Variants in CREM observed in about 807,000 individuals in gnomAD.
CREM encodes the protein cAMP-responsive element modulator.
CREM carries 13 observed loss-of-function variants against 37.3 expected under a neutral mutation model. The observed-to-expected ratio is 0.35, with a 90% CI of 0.23 to 0.55. The LOEUF (loss-of-function observed/expected upper bound fraction) is 0.55. Among genes scored for constraint, CREM ranks in the 20% least tolerant of loss-of-function variants. CREM has a pLI of 0.88. For missense variants in CREM, 296 were observed against 362.3 expected (o/e 0.82, Z 1.49); for synonymous variants, 124 against 120.2 (o/e 1.03, Z -0.21).
chr10:35,162,662 A>G (rs2093354683), intron 3 of CREM, among the ~76,000 whole-genome samples: 1 of 152,010 alleles, frequency 6.6e-6, no homozygotes, highest in African/African-American at 2.4e-5. Flanking sequence ...CACCCTCTCT[A>G]GGAAGCCGCT....
chr10:35,193,639 G>T (rs2095015214), intron 6 of CREM, among the ~76,000 whole-genome samples: 3 of 152,054 alleles, frequency 2.0e-5, no homozygotes, highest in Admixed American at 2.0e-4. Flanking sequence ...CCATTGTCAG[G>T]TATCCTGGAG....
chr10:35,135,793 A>G (rs1416211178), intron 1 of CREM, among the ~76,000 whole-genome samples: 1 of 151,796 alleles, frequency 6.6e-6, no homozygotes, highest in Non-Finnish European at 1.5e-5. Context: ...AAAAGGCTAG[A>G]TAATTTGGAA....
intron 1 of CREM, among the ~76,000 whole-genome samples, chr10:35,132,709 C>A (rs897503715): frequency 6.6e-6 from 1 of 152,146 alleles, no homozygotes; most frequent in African/African-American, 2.4e-5. Context: ...GTACTGCTTT[C>A]TCCCATTGTT....
intron 3 of CREM, among the ~76,000 whole-genome samples, chr10:35,178,648 G>A (rs762926962): frequency 5.3e-5 from 8 of 152,166 alleles, no homozygotes; most frequent in Non-Finnish European, 7.3e-5. Context: ...TAGTATTTCT[G>A]TAGTATAGAG....
At chr10:35,131,472 G>A (rs1046661551) in intron 1 of CREM, among the ~76,000 whole-genome samples, 2 of 151,868 alleles carry the variant, frequency 1.3e-5, no homozygotes, top group Non-Finnish European at 2.9e-5. Context: ...TTTTGGCTTA[G>A]AAATGTTTTT....
intron 6 of CREM, among the ~76,000 whole-genome samples, chr10:35,202,181 C>T (rs2095403287): frequency 6.6e-6 from 1 of 152,124 alleles, no homozygotes; most frequent in Admixed American, 6.5e-5. Context: ...GTAATTTAGA[C>T]ACTTTCAGTA....
intron 5 of CREM, chr10:35,179,818 G>A (rs1337551719): frequency 2.0e-5 from 3 of 152,348 alleles, no homozygotes; most frequent in Admixed American, 2.0e-4. Context: ...CACACTGAAA[G>A]CTCTAAATAA....
Position 35,144,328 on chromosome 10 carries a change from A to G in CREM, c.45-4040A>G, listed in dbSNP as rs939966207. 2.0e-5 allele frequency among the ~76,000 whole-genome samples: 3 copies of G among 152,120 alleles called. No homozygotes were observed. In the East Asian group the frequency reaches 5.8e-4, roughly 29 times the overall value. On this transcript the variant is annotated intron_variant, in intron 2 of 7. Transcript: ENST00000685392. ...GCTTTTTGTGGTTGATCTCATTCTG[A>G]CTGATTATATATAGACACACGATTC...
At chr10:35,135,812 T>C (rs931216298) in intron 1 of CREM, among the ~76,000 whole-genome samples, 2 of 146,766 alleles carry the variant, frequency 1.4e-5, no homozygotes, top group Non-Finnish European at 3.0e-5. Context: ...AAGAAAAGCA[T>C]GAAAGTAATG....
intron 5 of CREM, among the ~76,000 whole-genome samples, chr10:35,181,851 G>A (rs1477382986): frequency 6.6e-6 from 1 of 152,094 alleles, no homozygotes; most frequent in African/African-American, 2.4e-5. Context: ...GTCCAACCTG[G>A]GCAGCAGAGT....
intron 5 of CREM, among the ~76,000 whole-genome samples, chr10:35,186,782 T>C (rs1382710330): frequency 2.3e-5 from 3 of 127,716 alleles, no homozygotes; most frequent in Admixed American, 9.0e-5. Context: ...TAACAAATTA[T>C]ATATAACATA....
intron 1 of CREM, 81 bp from the exon 2 acceptor site, chr10:35,137,701 T>G (rs1279200549): frequency 3.5e-6 from 2 of 569,424 alleles, no homozygotes; most frequent in Non-Finnish European, 5.8e-6. Context: ...TGAGAGGTTT[T>G]AATTTAAATA....
At position 35,186,889 on chromosome 10, in the gene CREM, ATAAT is replaced by A. The variant is rs1330014447; in HGVS notation, c.410-1308_410-1305del. ...ATTATATATTATATATAAAATATAA[ATAAT>A]TATAAAAATATAATAATTATTAAAA... is the stretch of plus-strand genomic sequence containing the variant. On this transcript the variant is annotated intron_variant, in intron 5 of 7. Transcript: ENST00000685392. Among the ~76,000 whole-genome samples, 6 of 91,830 alleles carry A rather than the reference ATAAT, an allele frequency of 6.5e-5. No individual in the cohort carries two copies. In the East Asian group the frequency reaches 1.2e-3, roughly 18 times the overall value. 60.2% of individuals were successfully genotyped at this position (91,830 alleles called of 152,430 possible). A position where few individuals can be genotyped will look rare whatever the true frequency, so the allele number is the denominator to read the frequency against.
intron 6 of CREM, among the ~76,000 whole-genome samples, chr10:35,201,095 T>A (rs1481367771): frequency 6.6e-6 from 1 of 152,170 alleles, no homozygotes; most frequent in Admixed American, 6.5e-5. Flanking sequence ...AAGGATATCT[T>A]ACATTATCTT....
chr10:35,180,954 G>C (rs1409297839), intron 5 of CREM, among the ~76,000 whole-genome samples: 2 of 152,236 alleles, frequency 1.3e-5, no homozygotes, highest in African/African-American at 4.8e-5. Context: ...AAGGTTGGAA[G>C]TGACTGCTGA....
At chr10:35,174,657 T>A (rs1422298352) in intron 3 of CREM, among the ~76,000 whole-genome samples, 1 of 152,236 alleles carries the variant, frequency 6.6e-6, no homozygotes, top group African/African-American at 2.4e-5. Flanking sequence ...ACTGGTGACT[T>A]ATTTCCAAGG....
chr10:35,195,310 C>A, intron 6 of CREM: 1 of 1,426,818 alleles, frequency 7.0e-7, no homozygotes, highest in Non-Finnish European at 9.8e-7. Context: ...GAAAGTGTTA[C>A]TCTCCTAGTC....
chr10:35,143,437 T>C (rs1480746190), intron 2 of CREM, among the ~76,000 whole-genome samples: 1 of 152,064 alleles, frequency 6.6e-6, no homozygotes, highest in Non-Finnish European at 1.5e-5. Context: ...GATAGGATGT[T>C]GTAGGCAGAG....
intron 6 of CREM, among the ~76,000 whole-genome samples, chr10:35,190,729 A>G (rs1366113448): frequency 6.6e-6 from 1 of 151,918 alleles, no homozygotes; most frequent in Non-Finnish European, 1.5e-5. Flanking sequence ...CAGTGGCACG[A>G]TGGCTCACTG....
Sources: gnomAD v4.1 joint callset for allele counts (sites outside exome capture counted in the v4.1 genomes callset) on GRCh38, gnomAD v4.1.1 for gene constraint, MANE v1.5 for transcripts, NCBI Gene and HGNC (gene_info 2026-07-23, HGNC 2026-07-21) for gene names.